Variants in RASA1 observed in about 807,000 individuals in gnomAD.
The protein encoded by RASA1 is RAS p21 protein activator 1.
Under a neutral mutation model 132.2 loss-of-function variants are expected in RASA1, and 25 were observed. That is an observed-to-expected ratio of 0.19 (90% CI 0.14 to 0.26). The LOEUF (loss-of-function observed/expected upper bound fraction) is 0.26. Ranked by LOEUF, RASA1 falls within the 10% of genes least tolerant of loss-of-function variation. The pLI, the probability that RASA1 is intolerant of heterozygous loss-of-function variation, is 1.00. For missense variants in RASA1, 964 were observed against 1,299.2 expected (o/e 0.74, Z 3.97); for synonymous variants, 477 against 449.9 (o/e 1.06, Z -0.76).
chr5:87,317,868 T>C (rs751166588), intron 1 of RASA1, among the ~76,000 whole-genome samples: 18 of 152,128 alleles, frequency 1.2e-4, no homozygotes, highest in Non-Finnish European at 2.5e-4. Context: ...ACTCATGAGC[T>C]CAAGCAATCC....
chr5:87,355,860 C>G lies in RASA1; in HGVS notation c.1332+2625C>G, dbSNP rs143847694. 1.5e-4 allele frequency among the ~76,000 whole-genome samples: 23 copies of G among 152,224 alleles called. No individual in the cohort carries two copies. In the East Asian group the frequency reaches 4.1e-3, roughly 27 times the overall value. ...CTCTTTTGGATAACTTTGAGGGGCT[C>G]AAGACTACAAGATGACTTTGAGGAG... On this transcript the variant is annotated intron_variant, in intron 9 of 24. Transcript: ENST00000274376.
intron 1 of RASA1, among the ~76,000 whole-genome samples, chr5:87,303,225 C>A (rs1404589094): frequency 6.6e-6 from 1 of 152,078 alleles, no homozygotes; most frequent in Admixed American, 6.6e-5. Flanking sequence ...TACTTTGTGA[C>A]CTTTTTCATT....
intron 13 of RASA1, 132 bp downstream of exon 13, chr5:87,372,327 C>T (rs1761008886): frequency 2.6e-6 from 2 of 768,744 alleles, no homozygotes; most frequent in East Asian, 2.7e-5. Flanking sequence ...GCTTCAGTAG[C>T]AGGAAAACGT....
intron 1 of RASA1, among the ~76,000 whole-genome samples, chr5:87,296,039 AT>A (rs1225613763): frequency 6.6e-6 from 1 of 151,784 alleles, no homozygotes; most frequent in Non-Finnish European, 1.5e-5. Flanking sequence ...CTGGTGTTGA[AT>A]TCCTGACCTC....
At chr5:87,329,414 C>T (rs1187415994) in intron 1 of RASA1, among the ~76,000 whole-genome samples, 5 of 151,996 alleles carry the variant, frequency 3.3e-5, no homozygotes, top group African/African-American at 1.2e-4. Flanking sequence ...TGTACTCCAG[C>T]CTGGGCGACA....
chr5:87,287,457 CATATATATACACACCATATATATACA>C, intron 1 of RASA1, among the ~76,000 whole-genome samples: 1 of 134,012 alleles, frequency 7.5e-6, no homozygotes, highest in African/African-American at 2.8e-5. Context: ...ATATATATAC[CATATATATACACACCATATATATACA>C]CACCATATAT....
At chr5:87,355,003 G>C (rs1235544149) in intron 9 of RASA1, among the ~76,000 whole-genome samples, 1 of 152,064 alleles carries the variant, frequency 6.6e-6, no homozygotes, top group Non-Finnish European at 1.5e-5. Flanking sequence ...AAGAAAAGTT[G>C]GAAGCTACCA....
At chr5:87,280,663 A>G (rs1181828191) in intron 1 of RASA1, among the ~76,000 whole-genome samples, 1 of 152,088 alleles carries the variant, frequency 6.6e-6, no homozygotes. Flanking sequence ...CTTTGGTGAA[A>G]TGTCTGTGTC....
intron 13 of RASA1, among the ~76,000 whole-genome samples, chr5:87,372,806 A>C (rs1360815004): frequency 6.6e-6 from 1 of 152,160 alleles, no homozygotes; most frequent in Non-Finnish European, 1.5e-5. Flanking sequence ...AGGTTTAAAG[A>C]AAGTTTAGTA....
rs1226738933 is a variant in RASA1, at chr5:87,377,054, A to G, written c.2344+14A>G. 3.7e-6 allele frequency: 6 copies of G among 1,609,582 alleles called. No homozygotes were observed. The highest frequency in any genetic ancestry group is 2.7e-5 in the African/African-American group (2 of 74,814). ...TAAGCATGGAAGGTATGGTATGGCC[A>G]TGTTAGTGTGATACAAGAAACTGGG... On this transcript the variant is annotated intron_variant, in intron 17 of 24. Coordinates refer to ENST00000274376, the MANE Select transcript of RASA1 (RefSeq NM_002890.3).
At chr5:87,342,542 A>C (rs1317650454) in intron 6 of RASA1, among the ~76,000 whole-genome samples, 2 of 152,118 alleles carry the variant, frequency 1.3e-5, no homozygotes, top group African/African-American at 4.8e-5. Flanking sequence ...ATATATTCCC[A>C]GTTTTCTTTA....
At chr5:87,381,593 G>T (rs942305673) in intron 20 of RASA1, among the ~76,000 whole-genome samples, 1 of 151,898 alleles carries the variant, frequency 6.6e-6, no homozygotes, top group Admixed American at 6.6e-5. Flanking sequence ...TTTTTTTGGG[G>T]GGCAGGTAAT....
rs1192240645 is a variant in RASA1, at chr5:87,380,473, GCTTT to G, written c.2604-33_2604-30del. 2.6e-6 allele frequency: 4 copies of G among 1,544,824 alleles called. No individual in the cohort carries two copies. In the African/African-American group the frequency reaches 4.1e-5, roughly 16 times the overall value. On this transcript the variant is annotated intron_variant, in intron 19 of 24. Transcript: ENST00000274376. ...TGCTAGGAGATCAGTGTTTTCACTT[GCTTT>G]CTGTGTTGAGATGATTGTGTTATTT...
chr5:87,348,726 T>C (rs1209247127), intron 7 of RASA1, among the ~76,000 whole-genome samples: 1 of 151,842 alleles, frequency 6.6e-6, no homozygotes, highest in Admixed American at 6.6e-5. Context: ...CCTGGATAGC[T>C]GGGATTATAT....
intron 1 of RASA1, among the ~76,000 whole-genome samples, chr5:87,293,047 T>C (rs1754974847): frequency 1.3e-5 from 2 of 152,164 alleles, no homozygotes; most frequent in African/African-American, 4.8e-5. Flanking sequence ...TCCTGTCATC[T>C]GAGAACAAAG....
chr5:87,287,848 TAC>T (rs200367431), intron 1 of RASA1, among the ~76,000 whole-genome samples: 9,802 of 47,300 alleles, frequency 0.21, 1,496 homozygotes, highest in African/African-American at 0.27. Context: ...ATACCATATA[TAC>T]ACACACCATA....
At chr5:87,310,560 A>C (rs1755832023) in intron 1 of RASA1, among the ~76,000 whole-genome samples, 1 of 152,104 alleles carries the variant, frequency 6.6e-6, no homozygotes, top group South Asian at 2.1e-4. Flanking sequence ...ATTTTGTTAC[A>C]ATATTCGTGA....
chr5:87,383,843 A>G, intron 21 of RASA1, 63 bp downstream of exon 21: 21 of 1,374,268 alleles, frequency 1.5e-5, no homozygotes, highest in Non-Finnish European at 2.1e-5. Flanking sequence ...CATACTATTT[A>G]AGAATACTCT....
At chr5:87,384,612 C>T (rs973882547) in intron 21 of RASA1, among the ~76,000 whole-genome samples, 4 of 151,964 alleles carry the variant, frequency 2.6e-5, no homozygotes, top group South Asian at 2.1e-4. Flanking sequence ...TCTGGATGTT[C>T]GCCTCAGACA....
Sources: allele counts gnomAD v4.1 joint callset (sites outside exome capture counted in the v4.1 genomes callset), GRCh38; gene constraint gnomAD v4.1.1; transcripts MANE v1.5; gene names NCBI Gene and HGNC (gene_info 2026-07-23, HGNC 2026-07-21).